The following BMP6 variants were observed in gnomAD, a reference collection of about 807,000 sequenced individuals.
The protein encoded by BMP6 is bone morphogenetic protein 6.
Under a neutral mutation model 54.1 loss-of-function variants are expected in BMP6, and 17 were observed. The observed-to-expected ratio is 0.31, with a 90% CI of 0.22 to 0.47. BMP6 has a LOEUF of 0.47. Among genes scored for constraint, BMP6 ranks in the 20% least tolerant of loss-of-function variants. The pLI, the probability that BMP6 is intolerant of heterozygous loss-of-function variation, is 1.00. For synonymous variants in BMP6, 328 were observed against 291.2 expected, an observed-to-expected ratio of 1.13 and a Z score of -1.28; for missense variants, 720 against 690.4, an observed-to-expected ratio of 1.04 and a Z score of -0.48.
chr6:7,849,911 C>T (rs1193571803), intron 2 of BMP6, among the ~76,000 whole-genome samples: 1 of 152,178 alleles, frequency 6.6e-6, no homozygotes. Flanking sequence ...ATGGTACAAT[C>T]TTTTGGGAGA....
chr6:7,734,998 C>T (rs1761930918), intron 1 of BMP6, among the ~76,000 whole-genome samples: 2 of 152,240 alleles, frequency 1.3e-5, no homozygotes, highest in African/African-American at 4.8e-5. Context: ...CCTAAAATGT[C>T]CTTGCCACAC....
chr6:7,747,337 T>A (rs1374416896), intron 1 of BMP6, among the ~76,000 whole-genome samples: 2 of 152,108 alleles, frequency 1.3e-5, no homozygotes, highest in Non-Finnish European at 2.9e-5. Context: ...TAGGCCCTTA[T>A]AAACACAGAA....
chr6:7,843,658 A>G (rs551911300), intron 1 of BMP6, among the ~76,000 whole-genome samples: 5 of 152,266 alleles, frequency 3.3e-5, no homozygotes, highest in South Asian at 4.1e-4. Context: ...ACAGCAAGGC[A>G]GAAGTGTTTC....
rs924899790 is a variant in BMP6, at chr6:7,727,594, C to T, written c.639C>T (p.Asp213=). ...ACAGCGCCTTCCTCAACGACGCGGA[C>T]ATGGTCATGAGCTTTGTGAACCTGG... The part of the protein sequence containing the change: ...AQDSAFLNDA[D]MVMSFVNLVE... Residue 213 remains aspartate (D), a synonymous_variant, in exon 1 of 7, where the codon GAC becomes GAT. Coordinates refer to ENST00000283147, the MANE Select transcript of BMP6 (RefSeq NM_001718.6). 6.3e-7 allele frequency: 1 copy of T among 1,576,878 alleles called. No individual in the cohort carries two copies. The highest frequency in any genetic ancestry group is 1.4e-5 in the African/African-American group (1 of 73,500).
At chr6:7,748,669 A>C (rs956761567) in intron 1 of BMP6, among the ~76,000 whole-genome samples, 1 of 152,202 alleles carries the variant, frequency 6.6e-6, no homozygotes, top group Admixed American at 6.5e-5. Context: ...TCAGCTTCTG[A>C]CTGGGGCGGA....
intron 1 of BMP6, among the ~76,000 whole-genome samples, chr6:7,741,272 G>GA (rs771403135): frequency 6.6e-6 from 1 of 152,042 alleles, no homozygotes; most frequent in Non-Finnish European, 1.5e-5. Context: ...GAGAGGCATG[G>GA]AGCAGCATTC....
chr6:7,847,545 A>G (rs991881737), intron 2 of BMP6, among the ~76,000 whole-genome samples: 16 of 152,184 alleles, frequency 1.1e-4, no homozygotes, highest in Non-Finnish European at 2.4e-4. Flanking sequence ...TCTGTGTTTA[A>G]GTGAAATTTG....
chr6:7,799,158 GGA>G (rs1428843235), intron 1 of BMP6, among the ~76,000 whole-genome samples: 5 of 152,184 alleles, frequency 3.3e-5, no homozygotes, highest in Non-Finnish European at 7.3e-5. Context: ...TCCAAAGGAG[GGA>G]GAGAGGAGAG....
At chr6:7,813,111 ATATATATATAT>A (rs1561780028) in intron 1 of BMP6, among the ~76,000 whole-genome samples, 48 of 40,204 alleles carry the variant, frequency 1.2e-3, no homozygotes, top group East Asian at 1.5e-3. Flanking sequence ...AAAAAAAAAT[ATATATATATAT>A]ATATATATAT....
chr6:7,851,390 C>T (rs1453608938), intron 2 of BMP6, among the ~76,000 whole-genome samples: 2 of 152,132 alleles, frequency 1.3e-5, no homozygotes, highest in Non-Finnish European at 2.9e-5. Context: ...TTTAAAAATT[C>T]AGTGCCAAAT....
At chr6:7,824,413 C>T (rs1034493603) in intron 1 of BMP6, among the ~76,000 whole-genome samples, 2 of 152,164 alleles carry the variant, frequency 1.3e-5, no homozygotes, top group African/African-American at 4.8e-5. Context: ...TCTGTCAACC[C>T]ACCTTTGACC....
At chr6:7,813,136 TATATATATATATAA>T (rs1366470834) in intron 1 of BMP6, among the ~76,000 whole-genome samples, 1 of 87,732 alleles carries the variant, frequency 1.1e-5, no homozygotes, top group African/African-American at 5.0e-5. Context: ...TATATATATA[TATATATATATATAA>T]AATTAGTGGG....
intron 4 of BMP6, among the ~76,000 whole-genome samples, chr6:7,873,746 G>C (rs926671233): frequency 1.1e-4 from 16 of 151,994 alleles, no homozygotes; most frequent in Middle Eastern, 3.2e-3. Flanking sequence ...GAAAATCCAA[G>C]GGTTGTCAAA....
rs1434464260 is a variant in BMP6, at chr6:7,791,170, T to C, written c.665-53970T>C. On this transcript the variant is annotated intron_variant, in intron 1 of 6. Transcript: ENST00000283147. ...GGGCATGGTCACTTGTATGAGAGGA[T>C]GGCAAAGTTCCTTCTTTCTTAAAAT... Among the ~76,000 whole-genome samples, 3 of 152,234 alleles carry C rather than the reference T, an allele frequency of 2.0e-5. No individual in the cohort carries two copies. In the East Asian group the frequency reaches 5.8e-4, roughly 29 times the overall value.
At chr6:7,814,007 C>A (rs1206575026) in intron 1 of BMP6, among the ~76,000 whole-genome samples, 1 of 152,180 alleles carries the variant, frequency 6.6e-6, no homozygotes, top group Admixed American at 6.5e-5. Context: ...CGAGGTGCCC[C>A]TTTTCTTGCT....
chr6:7,791,376 T>A (rs1308018050), intron 1 of BMP6, among the ~76,000 whole-genome samples: 3 of 152,194 alleles, frequency 2.0e-5, no homozygotes, highest in Admixed American at 6.5e-5. Context: ...TTGCCACATC[T>A]TCTTCCTGTG....
chr6:7,871,236 G>A (rs1042670896), intron 4 of BMP6, among the ~76,000 whole-genome samples: 6 of 152,220 alleles, frequency 3.9e-5, no homozygotes, highest in African/African-American at 1.4e-4. Flanking sequence ...ATGTTCATTT[G>A]GAGAAGAGAG....
intron 1 of BMP6, among the ~76,000 whole-genome samples, chr6:7,790,711 C>T (rs1203979535): frequency 1.3e-5 from 2 of 152,022 alleles, no homozygotes; most frequent in South Asian, 4.1e-4. Context: ...GCATCATGGT[C>T]CTTGAGGCTT....
At chr6:7,866,592 G>T (rs1759428540) in intron 4 of BMP6, among the ~76,000 whole-genome samples, 1 of 152,198 alleles carries the variant, frequency 6.6e-6, no homozygotes, top group Non-Finnish European at 1.5e-5. Flanking sequence ...CTTTTGAGAG[G>T]GTGTAGCTAA....
Sources: allele counts gnomAD v4.1 joint callset (sites outside exome capture counted in the v4.1 genomes callset), GRCh38; gene constraint gnomAD v4.1.1; transcripts MANE v1.5; gene names NCBI Gene and HGNC (gene_info 2026-07-23, HGNC 2026-07-21).